Variants in SVEP1 observed in about 807,000 individuals in gnomAD.
SVEP1 encodes the protein sushi, von Willebrand factor type A, EGF and pentraxin domain containing 1.
In SVEP1, 164 loss-of-function variants were observed where a neutral mutation model predicts 367.3. That is an observed-to-expected ratio of 0.45 (90% confidence interval 0.39 to 0.51). The LOEUF (loss-of-function observed/expected upper bound fraction) is 0.51, where lower values mean the gene tolerates loss of function less well. SVEP1 is among the 20% of genes least tolerant of loss of function. SVEP1 has a pLI of 0.00. For synonymous variants in SVEP1, 1,666 were observed against 1,611.6 expected (o/e 1.03, Z -0.81); for missense variants, 4,117 against 4,425.3 (o/e 0.93, Z 1.98).
chr9:110,553,104 T>C (rs925769914), intron 1 of SVEP1, among the ~76,000 whole-genome samples: 1 of 152,168 alleles, frequency 6.6e-6, no homozygotes, highest in Non-Finnish European at 1.5e-5. Flanking sequence ...AAGACCATCA[T>C]GACTATTGAT....
At chr9:110,504,155 C>T (rs770372415) in intron 5 of SVEP1, among the ~76,000 whole-genome samples, 63 of 151,890 alleles carry the variant, frequency 4.1e-4, no homozygotes, top group African/African-American at 1.4e-3. Flanking sequence ...CCTGGGTTCA[C>T]GCCATTCTCC....
rs762236536 is a variant in SVEP1, at chr9:110,479,589, A to T, written c.2487+46T>A. On this transcript the variant is annotated intron_variant, in intron 13 of 47. Transcript: ENST00000374469. ...TTGTAAATGACTCAGAAAGGTTATG[A>T]AAGCCTTATAAAAGAACACACAATA... 10 of 1,552,444 alleles carry T rather than the reference A, an allele frequency of 6.4e-6. No individual in the cohort carries two copies. In the African/African-American group the frequency reaches 9.7e-5, roughly 15 times the overall value.
rs60798857 is a variant in SVEP1, at chr9:110,428,429, C to CACACAA, written c.5808-672_5808-671insTTGTGT. 2.7e-3 allele frequency among the ~76,000 whole-genome samples: 402 copies of CACACAA among 151,126 alleles called. 2 individuals are homozygous for CACACAA. Among genetic ancestry groups the CACACAA allele is most frequent in the African/African-American group, 3.5e-3 (144 of 41,148 alleles). On this transcript the variant is annotated intron_variant, in intron 35 of 47. Transcript: ENST00000374469. Reference sequence around the variant, plus strand: ...ACACACACACACACACACACACACACCATTAATCTCCTACAGTGTTAAGAA... The same window carrying CACACAA: ...ACACACACACACACACACACACACACACACAACATTAATCTCCTACAGTGTTAAGAA...
At chr9:110,485,299 C>A (rs1389934287) in intron 9 of SVEP1, among the ~76,000 whole-genome samples, 1 of 152,184 alleles carries the variant, frequency 6.6e-6, no homozygotes. Flanking sequence ...ACGGATGGAG[C>A]TGGAAGCCAT....
At chr9:110,435,848 T>G (rs747058625) in intron 28 of SVEP1, among the ~76,000 whole-genome samples, 1 of 152,236 alleles carries the variant, frequency 6.6e-6, no homozygotes, top group Admixed American at 6.5e-5. Flanking sequence ...CTCTGCTATG[T>G]AGTTCTATTT....
intron 7 of SVEP1, among the ~76,000 whole-genome samples, chr9:110,497,427 A>G (rs1467213527): frequency 6.6e-6 from 1 of 152,138 alleles, no homozygotes; most frequent in African/African-American, 2.4e-5. Flanking sequence ...TCAACAAGCT[A>G]TTTTGAAATT....
chr9:110,404,957 T>C (rs1013795190), intron 38 of SVEP1, among the ~76,000 whole-genome samples: 5 of 151,946 alleles, frequency 3.3e-5, no homozygotes, highest in African/African-American at 4.8e-5. Flanking sequence ...ACTAAGGAGG[T>C]TGAGGCTGCA....
At chr9:110,395,581 C>T (rs900348185) in intron 40 of SVEP1, among the ~76,000 whole-genome samples, 2 of 152,074 alleles carry the variant, frequency 1.3e-5, no homozygotes, top group African/African-American at 4.8e-5. Flanking sequence ...AGTCAAGACC[C>T]ATCAGTGTGC....
chr9:110,575,240 G>C (rs1461631344), intron 1 of SVEP1, among the ~76,000 whole-genome samples: 1 of 152,242 alleles, frequency 6.6e-6, no homozygotes, highest in Non-Finnish European at 1.5e-5. Flanking sequence ...ACAGGATGTA[G>C]TAGTTGGAAG....
chr9:110,429,225 C>G lies in SVEP1; in HGVS notation c.5725G>C (p.Glu1909Gln), dbSNP rs370770013. Residue 1909 changes from glutamate (E) to glutamine (Q), a missense_variant, in exon 35 of 48, where the codon GAA becomes CAA. This residue lies in a region of SVEP1 where 2,174 missense variants were observed against 2,494.3 expected (regional missense o/e 0.87). Transcript: ENST00000374469. ...ATATATTTTCCATTATTTATATTTT[C>G]CGGACTAGAACACTTCACTGGTTCA... ...VCEPVKCSSPENINNGKYILS... is the reference protein window; with the variant it reads ...VCEPVKCSSPQNINNGKYILS... 6.3e-7 allele frequency: 1 copy of G among 1,595,538 alleles called. No individual in the cohort carries two copies. Among genetic ancestry groups the G allele is most frequent in the Non-Finnish European group, 8.5e-7 (1 of 1,170,452 alleles).
intron 39 of SVEP1, 112 bp from the exon 40 acceptor site, chr9:110,401,121 G>A (rs1034335597): frequency 8.3e-6 from 11 of 1,328,226 alleles, no homozygotes; most frequent in South Asian, 5.4e-5. Flanking sequence ...ATAGTCAAAA[G>A]CACCCAGGGT....
Position 110,408,429 on chromosome 9 carries a change from C to A in SVEP1, c.7171G>T (p.Val2391Phe). ...CTPPPLISFG[V>F]PIPSSALHFG... Reference sequence around the variant, plus strand: ...TGAAGAGCAGAAGAAGGAATGGGGACACCAAAGGAAATTAGGGGAGGTGGG... The same window carrying A: ...TGAAGAGCAGAAGAAGGAATGGGGAAACCAAAGGAAATTAGGGGAGGTGGG... The change falls in exon 38 of 48, where the codon GTC (valine) becomes TTC (phenylalanine). Residue 2391 changes from valine to phenylalanine, a missense_variant. Physicochemically the swap from Val to Phe is conservative, Grantham distance 50. This residue lies in a region of SVEP1 where 1,765 missense variants were observed against 1,781.1 expected (regional missense o/e 0.99). Coordinates refer to ENST00000374469, the MANE Select transcript of SVEP1 (RefSeq NM_153366.4). 1 of 1,613,922 alleles carries A rather than the reference C, an allele frequency of 6.2e-7. No individual in the cohort carries two copies. The highest frequency in any genetic ancestry group is 8.5e-7 in the Non-Finnish European group (1 of 1,179,886).
intron 47 of SVEP1, among the ~76,000 whole-genome samples, chr9:110,369,434 A>G (rs1367728532): frequency 6.6e-6 from 1 of 152,222 alleles, no homozygotes; most frequent in Non-Finnish European, 1.5e-5. Context: ...TCAATTCAAT[A>G]CTATTTTTAT....
At chr9:110,379,036 T>C in intron 44 of SVEP1, among the ~76,000 whole-genome samples, 1 of 149,764 alleles carries the variant, frequency 6.7e-6, no homozygotes, top group Non-Finnish European at 1.5e-5. Flanking sequence ...ATTTGTAGAA[T>C]GAATGAAATA....
Position 110,481,251 on chromosome 9 carries a change from C to A in SVEP1, c.2356G>T (p.Asp786Tyr). Reference sequence around the variant, plus strand: ...TAAAATTAAAACTTACTGGCACAGTCTGGCCATTCAGTGGTATATGTTGGT... The same window carrying A: ...TAAAATTAAAACTTACTGGCACAGTATGGCCATTCAGTGGTATATGTTGGT... Reference protein sequence around the residue: ...WKPTYTTEWPDCAKKRFANHG... With the variant: ...WKPTYTTEWPYCAKKRFANHG... Residue 786 changes from aspartate to tyrosine, a missense_variant, in exon 12 of 48, where the codon GAC (aspartate) becomes TAC (tyrosine). By Grantham distance (160) the Asp-to-Tyr change is radical. Coordinates refer to ENST00000374469, the MANE Select transcript of SVEP1 (RefSeq NM_153366.4). 6.3e-7 allele frequency: 1 copy of A among 1,575,942 alleles called. No individual in the cohort carries two copies. Among genetic ancestry groups the A allele is most frequent in the Non-Finnish European group, 8.6e-7 (1 of 1,159,326 alleles).
At chr9:110,399,678 C>T (rs919320592) in intron 40 of SVEP1, among the ~76,000 whole-genome samples, 7 of 152,064 alleles carry the variant, frequency 4.6e-5, no homozygotes, top group South Asian at 2.1e-4. Context: ...GGACTACAGG[C>T]ACATTCCATC....
At position 110,479,616 on chromosome 9, in the gene SVEP1, A is replaced by G. The variant is rs753780889; in HGVS notation, c.2487+19T>C. 1 of 1,582,414 alleles carries G rather than the reference A, an allele frequency of 6.3e-7. No individual in the cohort carries two copies. The highest frequency in any genetic ancestry group is 2.3e-5 in the East Asian group (1 of 44,298). ...AGCCTTATAAAAGAACACACAATAA[A>G]TGACCACTATTGATGTACCATTTTT... On this transcript the variant is annotated intron_variant, in intron 13 of 47. Coordinates refer to ENST00000374469, the MANE Select transcript of SVEP1 (RefSeq NM_153366.4).
chr9:110,431,813 A>G, intron 32 of SVEP1, 102 bp downstream of exon 32: 1 of 1,450,520 alleles, frequency 6.9e-7, no homozygotes, highest in Non-Finnish European at 9.4e-7. Context: ...ATGCCCTTTG[A>G]AGTTGAAACA....
At chr9:110,380,312 A>G (rs1453003459) in intron 43 of SVEP1, among the ~76,000 whole-genome samples, 1 of 152,152 alleles carries the variant, frequency 6.6e-6, no homozygotes, top group Non-Finnish European at 1.5e-5. Context: ...AGTTTGTTCA[A>G]CTTTTGAATG....
Sources: allele counts gnomAD v4.1 joint callset (sites outside exome capture counted in the v4.1 genomes callset), GRCh38; gene constraint gnomAD v4.1.1; regional missense constraint gnomAD v4.1.1; transcripts MANE v1.5; gene names NCBI Gene and HGNC (gene_info 2026-07-23, HGNC 2026-07-21).